Variants in ERI2 observed in about 807,000 individuals in gnomAD.
The protein encoded by ERI2 is ERI1 exoribonuclease family member 2, also known as ERI1 exoribonuclease 2.
In ERI2, 35 loss-of-function variants were observed where a neutral mutation model predicts 46.8. That is an observed-to-expected ratio of 0.75 (90% CI 0.57 to 0.99). ERI2 has a LOEUF of 0.99. ERI2 is among the 50% of genes least tolerant of loss of function. The probability of loss-of-function intolerance (pLI) is 0.00; values close to 1 mark genes in which losing one functional copy is unlikely to be tolerated. For synonymous variants in ERI2, 224 were observed against 271.0 expected (o/e 0.83, Z 1.70); for missense variants, 695 against 796.2 (o/e 0.87, Z 1.53).
In ERI2 at chr16:20,790,054, T is replaced by A. The variant is rs1304650002; in HGVS notation, c.816-497A>T. Among the ~76,000 whole-genome samples the A allele has an allele frequency of 1.3e-5, 2 of 152,214 alleles. No individual in the cohort carries two copies. The highest frequency in any genetic ancestry group is 2.4e-5 in the African/African-American group (1 of 41,452). ...GATTATTGCTGGATGGTAAAATTTT[T>A]AAAAAATTTTATCCTGCGTTCACAT... On this transcript the variant is annotated intron_variant, in intron 9 of 10. Coordinates refer to the ERI2 transcript ENST00000300005. This position sits in a 1 kb window ranked among gnomAD's most constrained non-coding sequence, Gnocchi z 4.0.
chr16:20,784,839 G>A (rs2080435454), intron 10 of ERI2: 3 of 694,046 alleles, frequency 4.3e-6, no homozygotes, highest in Non-Finnish European at 6.7e-6. Context: ...ATATGTTTAT[G>A]GGGTAAAATG....
At chr16:20,780,513 T>G (rs1234825641) in exon 11 of ERI2, 1 of 1,057,184 alleles carries the variant, frequency 9.5e-7, no homozygotes, top group Admixed American at 2.7e-5. Context: ...GGGCCTTTGA[T>G]GACAAAGTTT....
intron 10 of ERI2, among the ~76,000 whole-genome samples, chr16:20,782,075 C>A (rs2080364370): frequency 6.6e-6 from 1 of 152,168 alleles, no homozygotes; most frequent in Admixed American, 6.5e-5. Context: ...ATGGCTTTCT[C>A]TGAGCTGAGA....
downstream of ERI2, among the ~76,000 whole-genome samples, chr16:20,791,738 C>T (rs2080602453): frequency 6.6e-6 from 1 of 152,014 alleles, no homozygotes; most frequent in South Asian, 2.1e-4. Flanking sequence ...ACCAGCCTGG[C>T]CAACATGGGG....
chr16:20,789,032 G>A (rs1428759359), intron 10 of ERI2, among the ~76,000 whole-genome samples: 2 of 152,130 alleles, frequency 1.3e-5, no homozygotes, highest in Non-Finnish European at 2.9e-5. Context: ...AAGGTATCTG[G>A]AGAATATATA....
At position 20,798,125 on chromosome 16, in the gene ERI2, A is replaced by T; in HGVS notation, c.1675T>A (p.Ser559Thr). The T allele has an allele frequency of 6.4e-7, 1 of 1,551,420 alleles. No individual in the cohort carries two copies. Among genetic ancestry groups the T allele is most frequent in the East Asian group, 2.4e-5 (1 of 40,918 alleles). Residue 559 changes from serine to threonine, a missense_variant, in exon 9 of 9, where the codon TCA (serine) becomes ACA (threonine). Ser to Thr is a moderately conservative substitution (Grantham distance 58). Coordinates refer to ENST00000357967, the MANE Select transcript of ERI2 (RefSeq NM_001142725.2). ...PFTIHEEKPT[S>T]SDCSPVRSSS... The stretch of plus-strand genomic sequence containing the variant: ...CTTCTTACTGGGGAGCAATCAGATG[A>T]TGTAGGCTTTTCTTCATGAATAGTG...
At chr16:20,785,675 G>A (rs760628783) in intron 10 of ERI2, among the ~76,000 whole-genome samples, 1 of 151,836 alleles carries the variant, frequency 6.6e-6, no homozygotes, top group Non-Finnish European at 1.5e-5. Flanking sequence ...AATAGATAAG[G>A]GAAAAGTTGA....
rs200509570 is a variant in ERI2, at chr16:20,790,802, T to G, written c.815+48A>C. On this transcript the variant is annotated intron_variant, in intron 9 of 10. Coordinates refer to the ERI2 transcript ENST00000300005. This position sits in a 1 kb window ranked among gnomAD's most constrained non-coding sequence, Gnocchi z 4.0. ...AGGTACTTGACCCTTTCTTGAGAGA[T>G]TGGTTGTCCTGAATAGTAATCCAAA... 2.5e-6 allele frequency: 4 copies of G among 1,613,358 alleles called. No homozygotes were observed. The East Asian group carries it at 8.9e-5, about 36-fold the overall frequency.
exon 11 of ERI2, chr16:20,780,587 A>G (rs2152467644): frequency 6.3e-7 from 1 of 1,596,846 alleles, no homozygotes; most frequent in Non-Finnish European, 8.6e-7. Context: ...CTGTAATTCA[A>G]GCTAAGCCAC....
chr16:20,804,986 A>G (rs1207656452), intron 1 of ERI2, among the ~76,000 whole-genome samples: 1 of 152,228 alleles, frequency 6.6e-6, no homozygotes, highest in Non-Finnish European at 1.5e-5. Flanking sequence ...AATTTGCCAA[A>G]GAACATAGCT....
At position 20,798,112 on chromosome 16, in the gene ERI2, G is replaced by T; in HGVS notation, c.1688C>A (p.Ser563Tyr). ...CCTCCAGGAAGAACTTCTTACTGGG[G>T]AGCAATCAGATGATGTAGGCTTTTC... The part of the protein sequence containing the change: ...HEEKPTSSDC[S>Y]PVRSSSWRRL... Residue 563 changes from serine to tyrosine, a missense_variant, in exon 9 of 9, where the codon TCC becomes TAC. By Grantham distance (144) the Ser-to-Tyr change is moderately radical. Transcript: ENST00000357967. 1 of 1,551,546 alleles carries T rather than the reference G, an allele frequency of 6.4e-7. No individual in the cohort carries two copies. The highest frequency in any genetic ancestry group is 8.7e-7 in the Non-Finnish European group (1 of 1,146,916).
At chr16:20,803,884 G>C (rs2080821614) in intron 1 of ERI2, among the ~76,000 whole-genome samples, 1 of 152,120 alleles carries the variant, frequency 6.6e-6, no homozygotes, top group South Asian at 2.1e-4. Context: ...ACAGGGTCTT[G>C]CTCTGTCACG....
chr16:20,802,981 AATC>A (rs2080812303), intron 3 of ERI2, 58 bp from the exon 4 acceptor site: 4 of 1,459,358 alleles, frequency 2.7e-6, no homozygotes, highest in Non-Finnish European at 9.2e-7. Context: ...TTAATCCTGT[AATC>A]ATCCTAAATT....
At chr16:20,802,769 T>C in intron 4 of ERI2, 27 bp downstream of exon 4, 1 of 1,574,740 alleles carries the variant, frequency 6.4e-7, no homozygotes, top group Non-Finnish European at 8.6e-7. Flanking sequence ...TGAAACTGAC[T>C]TCTGAATTTT....
Position 20,790,686 on chromosome 16 carries a change from G to C in ERI2, c.815+164C>G. ...ACCATTTGGCCTTTTTACTCATTAC[G>C]TAGTAAGTGACTTACTAAATAATCT... is the stretch of plus-strand genomic sequence containing the variant. On this transcript the variant is annotated intron_variant, in intron 9 of 10. Coordinates refer to the ERI2 transcript ENST00000300005. The surrounding 1 kb of genome is among the most constrained non-coding windows in gnomAD (Gnocchi z 4.0). 2 of 1,613,362 alleles carry C rather than the reference G, an allele frequency of 1.2e-6. No individual in the cohort carries two copies. The highest frequency in any genetic ancestry group is 1.7e-6 in the Non-Finnish European group (2 of 1,179,352).
At chr16:20,799,215 G>T (rs2080769831) in intron 8 of ERI2, 48 bp downstream of exon 8, 1 of 1,599,818 alleles carries the variant, frequency 6.3e-7, no homozygotes, top group African/African-American at 1.3e-5. Context: ...ACGTATGACT[G>T]TTTATGAAGT....
chr16:20,803,432 C>T lies in ERI2; in HGVS notation c.175+1G>A, dbSNP rs1402730279. On this transcript the variant is annotated splice_donor_variant, in intron 3 of 8. Coordinates refer to ENST00000357967, the MANE Select transcript of ERI2 (RefSeq NM_001142725.2). LOFTEE classifies it high-confidence loss of function. ...TTTGGCCATTCGTAGCCCAGACTTA[C>T]TTATTTCCTGGCTATGGTGGTGCTT... 6.2e-7 allele frequency: 1 copy of T among 1,613,270 alleles called. No individual in the cohort carries two copies. The highest frequency in any genetic ancestry group is 8.5e-7 in the Non-Finnish European group (1 of 1,179,440).
At chr16:20,781,755 ATACCGAATGCTTGTACAG>A (rs773894016) in intron 10 of ERI2, 1 of 1,613,352 alleles carries the variant, frequency 6.2e-7, no homozygotes, top group South Asian at 1.1e-5. Context: ...CACCAACTGT[ATACCGAATGCTTGTACAG>A]AATGATATAA....
exon 11 of ERI2, chr16:20,780,272 C>T (rs2080324386): frequency 1.8e-5 from 4 of 228,504 alleles, no homozygotes; most frequent in Non-Finnish European, 3.5e-5. Context: ...GTTGGCCCAT[C>T]AGTACCCATG....
Sources: allele counts gnomAD v4.1 joint callset (sites outside exome capture counted in the v4.1 genomes callset), GRCh38; gene constraint gnomAD v4.1.1; non-coding constraint Gnocchi (gnomAD v3.1); transcripts MANE v1.5; gene names NCBI Gene and HGNC (gene_info 2026-07-23, HGNC 2026-07-21).